Variants in DTD1 observed in about 807,000 individuals in gnomAD.
The protein encoded by DTD1 is D-aminoacyl-tRNA deacylase 1.
In DTD1, 13 loss-of-function variants were observed where a neutral mutation model predicts 25.6. The ratio of observed to expected loss-of-function variants is 0.51; its 90% confidence interval spans 0.33 to 0.81. The LOEUF is 0.81. DTD1 is among the 30% of genes least tolerant of loss of function. The pLI is 0.02. For missense variants in DTD1, 193 were observed against 266.4 expected (o/e 0.72, Z 1.92); for synonymous variants, 110 against 103.6 (o/e 1.06, Z -0.37).
At position 18,620,476 on chromosome 20, in the gene DTD1, C is replaced by G. The variant is rs987319835; in HGVS notation, c.371-7651C>G. Among the ~76,000 whole-genome samples the G allele has an allele frequency of 7.2e-5, 11 of 152,250 alleles. No individual in the cohort carries two copies. The South Asian group carries it at 2.3e-3, about 32-fold the overall frequency. On this transcript the variant is annotated intron_variant, in intron 3 of 5. Transcript: ENST00000377452. ...GTGGCTTAGGCAAAAAACCTCTCAA[C>G]TGAACCAACTAAATTAATGCTGGAT...
chr20:18,637,840 ATTAT>A (rs1179240577), intron 4 of DTD1, among the ~76,000 whole-genome samples: 2 of 152,170 alleles, frequency 1.3e-5, no homozygotes. Context: ...TTTCCTGCAG[ATTAT>A]TTATTGTTTC....
intron 4 of DTD1, among the ~76,000 whole-genome samples, chr20:18,646,596 C>T (rs1030592206): frequency 6.6e-6 from 1 of 152,142 alleles, no homozygotes; most frequent in African/African-American, 2.4e-5. Flanking sequence ...ATCACAGAGC[C>T]TCTCAGATTT....
intron 2 of DTD1, among the ~76,000 whole-genome samples, chr20:18,594,474 A>C (rs940925587): frequency 3.9e-5 from 6 of 152,174 alleles, no homozygotes; most frequent in Non-Finnish European, 8.8e-5. Flanking sequence ...ATCCTGCTTA[A>C]TGATTGTTCA....
intron 4 of DTD1, among the ~76,000 whole-genome samples, chr20:18,741,714 A>AT (rs1306521533): frequency 3.3e-5 from 5 of 151,240 alleles, no homozygotes; most frequent in African/African-American, 7.3e-5. Context: ...AGATTTATCT[A>AT]TTTTTTTTAA....
intron 5 of DTD1, among the ~76,000 whole-genome samples, chr20:18,747,750 C>T (rs6105956): frequency 0.49 from 74,841 of 151,766 alleles, 19,172 homozygotes; most frequent in Non-Finnish European, 0.58. Flanking sequence ...TGGTGGCTCA[C>T]GCCTGTAATC....
At chr20:18,676,900 G>T (rs1054553109) in intron 4 of DTD1, among the ~76,000 whole-genome samples, 1 of 152,046 alleles carries the variant, frequency 6.6e-6, no homozygotes. Flanking sequence ...CCCCCAAAAG[G>T]GCAGGAAAGG....
intron 4 of DTD1, among the ~76,000 whole-genome samples, chr20:18,685,610 T>A (rs2061013723): frequency 6.6e-6 from 1 of 152,160 alleles, no homozygotes; most frequent in South Asian, 2.1e-4. Flanking sequence ...ATATGTGCAT[T>A]TGGATTTTGT....
At chr20:18,756,628 T>C (rs2061340427) in intron 5 of DTD1, among the ~76,000 whole-genome samples, 1 of 152,124 alleles carries the variant, frequency 6.6e-6, no homozygotes, top group African/African-American at 2.4e-5. Flanking sequence ...CATTGGTCTA[T>C]ATCTCTGTTT....
At chr20:18,595,871 G>A in intron 2 of DTD1, 135 bp from the exon 3 acceptor site, 1 of 718,476 alleles carries the variant, frequency 1.4e-6, no homozygotes, top group East Asian at 2.6e-5. Context: ...CTTGCCTGAG[G>A]TCATGCCTCC....
intron 1 of DTD1, among the ~76,000 whole-genome samples, chr20:18,592,164 A>C (rs1425673072): frequency 6.6e-6 from 1 of 152,244 alleles, no homozygotes; most frequent in Non-Finnish European, 1.5e-5. Context: ...ATTACCCTGC[A>C]GAAGCAAGCA....
At chr20:18,739,585 T>A (rs943527114) in intron 4 of DTD1, among the ~76,000 whole-genome samples, 2 of 152,248 alleles carry the variant, frequency 1.3e-5, no homozygotes, top group African/African-American at 4.8e-5. Context: ...AACCCAGAAG[T>A]ACTCTATTTC....
intron 3 of DTD1, among the ~76,000 whole-genome samples, chr20:18,617,523 T>C (rs1445769442): frequency 1.3e-5 from 2 of 151,884 alleles, no homozygotes; most frequent in Non-Finnish European, 2.9e-5. Context: ...TGTAGTAAGT[T>C]TTGAAATTGG....
chr20:18,622,401 G>A (rs1356275197), intron 3 of DTD1, among the ~76,000 whole-genome samples: 1 of 152,192 alleles, frequency 6.6e-6, no homozygotes, highest in Non-Finnish European at 1.5e-5. Flanking sequence ...GCAGGAAAAA[G>A]AGGTCCCTAC....
At chr20:18,709,392 A>G (rs1040997073) in intron 4 of DTD1, among the ~76,000 whole-genome samples, 1 of 152,070 alleles carries the variant, frequency 6.6e-6, no homozygotes, top group Non-Finnish European at 1.5e-5. Flanking sequence ...GATGGTTGCC[A>G]TTTCCCTCCC....
rs536350362 is a variant in DTD1 at position 18,621,357 on chromosome 20, C to T, written c.371-6770C>T. On this transcript the variant is annotated intron_variant, in intron 3 of 5. Coordinates refer to ENST00000377452, the MANE Select transcript of DTD1 (RefSeq NM_080820.6). ...TGCATCGTGTTGGGGCATATGATGT[C>T]GACATGTCTCATTATTTGCCAGATT... Among the ~76,000 whole-genome samples the T allele has an allele frequency of 5.3e-5, 8 of 152,242 alleles. No homozygotes were observed. The South Asian group carries it at 1.0e-3, about 20-fold the overall frequency.
At chr20:18,713,907 T>C (rs1336648375) in intron 4 of DTD1, among the ~76,000 whole-genome samples, 2 of 152,212 alleles carry the variant, frequency 1.3e-5, no homozygotes, top group African/African-American at 2.4e-5. Context: ...TTCTGTTGCC[T>C]TCACGCAGGT....
intron 4 of DTD1, among the ~76,000 whole-genome samples, chr20:18,662,018 G>T (rs1477526275): frequency 6.6e-6 from 1 of 152,056 alleles, no homozygotes; most frequent in South Asian, 2.1e-4. Context: ...CAGGCATGGT[G>T]GTACAAGTCT....
At chr20:18,705,997 C>G (rs2061125003) in intron 4 of DTD1, among the ~76,000 whole-genome samples, 1 of 152,168 alleles carries the variant, frequency 6.6e-6, no homozygotes, top group Admixed American at 6.5e-5. Flanking sequence ...AGGGGATTAG[C>G]TTAGTGAGTG....
chr20:18,619,722 G>A (rs370912033), intron 3 of DTD1, among the ~76,000 whole-genome samples: 9 of 152,280 alleles, frequency 5.9e-5, no homozygotes, highest in East Asian at 1.9e-4. Flanking sequence ...ACCGCACCTG[G>A]CCTCCTCTCC....
Sources: gnomAD v4.1 joint callset for allele counts (sites outside exome capture counted in the v4.1 genomes callset) on GRCh38, gnomAD v4.1.1 for gene constraint, MANE v1.5 for transcripts, NCBI Gene and HGNC (gene_info 2026-07-23, HGNC 2026-07-21) for gene names.